Variants in RGPD3 observed in about 807,000 individuals in gnomAD.
The protein encoded by RGPD3 is RANBP2 like and GRIP domain containing 3, also known as ranBP2-like and GRIP domain-containing protein 3.
Under a neutral mutation model 154.5 loss-of-function variants are expected in RGPD3, and 62 were observed. The ratio of observed to expected loss-of-function variants is 0.40; its 90% CI spans 0.33 to 0.50. The LOEUF (loss-of-function observed/expected upper bound fraction) is 0.50. Ranked by LOEUF, RGPD3 falls within the 20% of genes least tolerant of loss-of-function variation. The pLI is 0.59. For synonymous variants in RGPD3, 308 were observed against 607.0 expected (o/e 0.51, Z 7.24); for missense variants, 919 against 1,716.8 (o/e 0.54, Z 8.21).
rs1410194493 is a variant in RGPD3, at chr2:106,468,134, G to T, written c.72+83C>A. ...GCGCTCGTCGGGAGCCATGACGCCT[G>T]AGCCATCGAGGCCGCCGCCGGGCCG... On this transcript the variant is annotated intron_variant, in intron 1 of 22. Transcript: ENST00000409886. 6.0e-6 allele frequency: 9 copies of T among 1,506,394 alleles called. No individual in the cohort carries two copies. The African/African-American group carries it at 9.8e-5, about 16-fold the overall frequency. The allele number at this position is 1,506,394 out of a possible 1,614,324, so 93.3% of individuals were successfully genotyped here.
chr2:106,468,307 C>G lies in RGPD3; in HGVS notation c.-19G>C. ...AACTCATCGCGCCACCAACCTGGCT[C>G]CCGAGATGCGTGAGACCAGCGCTCA... On this transcript the variant is annotated 5_prime_UTR_variant, in exon 1 of 23. Coordinates refer to ENST00000409886, the MANE Select transcript of RGPD3 (RefSeq NM_001144013.2). 3 of 1,598,534 alleles carry G rather than the reference C, an allele frequency of 1.9e-6. No homozygotes were observed. The highest frequency in any genetic ancestry group is 1.7e-6 in the Non-Finnish European group (2 of 1,174,052).
chr2:106,426,158 G>C, intron 18 of RGPD3, 70 bp from the exon 19 acceptor site: 1 of 1,548,056 alleles, frequency 6.5e-7, no homozygotes, highest in Non-Finnish European at 8.6e-7. Flanking sequence ...ATCTAGGCAA[G>C]AGCTACAAAT....
At position 106,407,694 on chromosome 2, in the gene RGPD3, A is replaced by G. The variant is rs1331676024; in HGVS notation, c.5267-2465T>C. Among the ~76,000 whole-genome samples the G allele has an allele frequency of 5.3e-5, 8 of 152,240 alleles. No homozygotes were observed. The East Asian group carries it at 7.7e-4, about 15-fold the overall frequency. Reference sequence around the variant, plus strand: ...CCTTGTGCAAACAATGTTCCTGGCAACTATTCATCTCCTTAGGTAAATAAG... The same window carrying G: ...CCTTGTGCAAACAATGTTCCTGGCAGCTATTCATCTCCTTAGGTAAATAAG... On this transcript the variant is annotated intron_variant, in intron 22 of 22. Coordinates refer to ENST00000409886, the MANE Select transcript of RGPD3 (RefSeq NM_001144013.2).
In RGPD3 at chr2:106,464,116, C is replaced by T. The variant is rs1330660520; in HGVS notation, c.72+4101G>A. Reference sequence around the variant, plus strand: ...ATCCCGGCACTTTGGGAGGCTGAGGCAGGCGGATCATGAGGTCAGGAGATC... The same window carrying T: ...ATCCCGGCACTTTGGGAGGCTGAGGTAGGCGGATCATGAGGTCAGGAGATC... On this transcript the variant is annotated intron_variant, in intron 1 of 22. Transcript: ENST00000409886. Among the ~76,000 whole-genome samples the T allele has an allele frequency of 2.6e-5, 4 of 152,220 alleles. No individual in the cohort carries two copies. The East Asian group carries it at 5.8e-4, about 22-fold the overall frequency.
rs199953271 is a variant in RGPD3, at chr2:106,432,958, G to A, written c.2446C>T (p.Arg816Cys). The stretch of plus-strand genomic sequence containing the variant: ...ACCTTAATGGCCTTTACTTCTTGGC[G>A]AATCATTTTCAGTAAAGAATTCTGA... ...EDQNSLLKMI[R>C]QEVKAIKEEM... is the part of the protein sequence containing the mutation. Residue 816 changes from arginine (R) to cysteine (C), a missense_variant, in exon 17 of 23, where the codon CGC (arginine) becomes TGC (cysteine). Coordinates refer to ENST00000409886, the MANE Select transcript of RGPD3 (RefSeq NM_001144013.2). 7.5e-6 allele frequency: 12 copies of A among 1,601,100 alleles called. No individual in the cohort carries two copies. Among genetic ancestry groups the A allele is most frequent in the South Asian group, 2.3e-5 (2 of 88,302 alleles).
At chr2:106,468,581 G>A (rs1197072783), upstream of RGPD3, among the ~76,000 whole-genome samples, 20 of 152,176 alleles carry the variant, frequency 1.3e-4, 1 homozygote, top group Admixed American at 1.1e-3. Flanking sequence ...TGAGGCGGGC[G>A]GATCACTTGA....
At position 106,413,222 on chromosome 2, in the gene RGPD3, C is replaced by G. The variant is rs763207984; in HGVS notation, c.5128G>C (p.Val1710Leu). 39 of 1,611,892 alleles carry G rather than the reference C, an allele frequency of 2.4e-5. No homozygotes were observed. The highest frequency in any genetic ancestry group is 1.4e-4 in the South Asian group (13 of 90,990). Residue 1710 changes from valine (V) to leucine (L), a missense_variant, in exon 22 of 23, where the codon GTG becomes CTG. Transcript: ENST00000409886. ...AGCAAGACGTTCTTCAAGTGTTCCACGTTAGCTGCAGACACCTCTTGCTCT... is the reference window on the plus strand; with the variant it reads ...AGCAAGACGTTCTTCAAGTGTTCCAGGTTAGCTGCAGACACCTCTTGCTCT... ...NQEQEVSAAN[V>L]EHLKNVLLQF...
At chr2:106,432,408 G>A (rs199856149) in intron 17 of RGPD3, among the ~76,000 whole-genome samples, 1 of 146,726 alleles carries the variant, frequency 6.8e-6, no homozygotes, top group African/African-American at 2.5e-5. Context: ...AGCCAAGATT[G>A]CACCACTGCA....
Position 106,415,941 on chromosome 2 carries a change from T to G in RGPD3, c.4973A>C (p.Lys1658Thr). The G allele has an allele frequency of 6.2e-7, 1 of 1,611,756 alleles. No individual in the cohort carries two copies. Among genetic ancestry groups the G allele is most frequent in the Non-Finnish European group, 8.5e-7 (1 of 1,179,800 alleles). The change falls in exon 21 of 23, where the codon AAG becomes ACG. Residue 1658 changes from lysine (K) to threonine (T), a missense_variant. Lys to Thr is a moderately conservative substitution (Grantham distance 78). Coordinates refer to ENST00000409886, the MANE Select transcript of RGPD3 (RefSeq NM_001144013.2). ...TGCACTTTTTGTGGTGGAACTGAGC[T>G]TCTGAACCAATTCTTCTTTAGTAAA... ...AEFTKEELVQKLSSTTKSADH... is the reference protein window; with the variant it reads ...AEFTKEELVQTLSSTTKSADH...
rs1200986336 is a variant in RGPD3 at position 106,429,790 on chromosome 2, AG to A, written c.2470-10del. 6 of 809,102 alleles carry A rather than the reference AG, an allele frequency of 7.4e-6. No homozygotes were observed. The highest frequency in any genetic ancestry group is 3.1e-5 in the Admixed American group (1 of 32,578). The allele number at this position is 809,102 out of a possible 1,614,324, so 50.1% of individuals were successfully genotyped here. On this transcript the variant is annotated splice_polypyrimidine_tract_variant and intron_variant, in intron 17 of 22. Coordinates refer to ENST00000409886, the MANE Select transcript of RGPD3 (RefSeq NM_001144013.2). ...AACTCCTGCATTTCTTCCTATTGGA[AG>A]AAAAAAAAATCAAATAATTTTAATC... is the stretch of plus-strand genomic sequence containing the variant.
intron 1 of RGPD3, among the ~76,000 whole-genome samples, chr2:106,463,446 G>C (rs1460439615): frequency 9.2e-5 from 14 of 151,530 alleles, no homozygotes; most frequent in African/African-American, 3.1e-4. Flanking sequence ...CTGCACTCCA[G>C]CCTGGGCAAC....
At chr2:106,462,990 C>G (rs1306040349) in intron 1 of RGPD3, among the ~76,000 whole-genome samples, 2 of 146,528 alleles carry the variant, frequency 1.4e-5, no homozygotes, top group African/African-American at 2.5e-5. Context: ...GAAACTCCAG[C>G]TTTCAGGTAA....
chr2:106,466,421 G>A (rs1244641916), intron 1 of RGPD3, among the ~76,000 whole-genome samples: 2 of 130,012 alleles, frequency 1.5e-5, no homozygotes, highest in Admixed American at 7.6e-5. Context: ...AGCGCCCGTC[G>A]GGAGCCATGA....
chr2:106,420,966 T>A (rs531111706), intron 20 of RGPD3, among the ~76,000 whole-genome samples: 2 of 152,196 alleles, frequency 1.3e-5, no homozygotes, highest in African/African-American at 4.8e-5. Context: ...ATACACAGGT[T>A]ATATTTTATT....
chr2:106,409,167 G>A lies in RGPD3; in HGVS notation c.5266+3917C>T, dbSNP rs537770261. Reference sequence around the variant, plus strand: ...AAAAGGTACTTGTTTGCTCTGATGGGCCCTGTTTCCTTCAGTGCCAGGAAG... The same window carrying A: ...AAAAGGTACTTGTTTGCTCTGATGGACCCTGTTTCCTTCAGTGCCAGGAAG... On this transcript the variant is annotated intron_variant, in intron 22 of 22. Transcript: ENST00000409886. 1.8e-4 allele frequency among the ~76,000 whole-genome samples: 28 copies of A among 152,210 alleles called. No homozygotes were observed. The South Asian group carries it at 5.8e-3, about 32-fold the overall frequency.
rs1320147307 is a variant in RGPD3, at chr2:106,468,114, C to T, written c.72+103G>A. 3.8e-4 allele frequency: 537 copies of T among 1,423,796 alleles called. 2 individuals are homozygous for T. The highest frequency in any genetic ancestry group is 2.1e-3 in the Middle Eastern group (8 of 3,872). 88.2% of individuals were successfully genotyped at this position (1,423,796 alleles called of 1,614,324 possible). On this transcript the variant is annotated intron_variant, in intron 1 of 22. Coordinates refer to ENST00000409886, the MANE Select transcript of RGPD3 (RefSeq NM_001144013.2). Reference sequence around the variant, plus strand: ...ACAGAGCGCGCCAGGGAGCAGCGCTCGTCGGGAGCCATGACGCCTGAGCCA... The same window carrying T: ...ACAGAGCGCGCCAGGGAGCAGCGCTTGTCGGGAGCCATGACGCCTGAGCCA...
At chr2:106,408,810 C>G (rs1299540093) in intron 22 of RGPD3, among the ~76,000 whole-genome samples, 1 of 151,872 alleles carries the variant, frequency 6.6e-6, no homozygotes, top group Non-Finnish European at 1.5e-5. Flanking sequence ...CCTTAGCCTC[C>G]CGAGTAGCTA....
At chr2:106,460,792 G>A (rs1223779935) in intron 1 of RGPD3, among the ~76,000 whole-genome samples, 1 of 72,182 alleles carries the variant, frequency 1.4e-5, no homozygotes, top group African/African-American at 5.8e-5. Flanking sequence ...AGTGGGCCAA[G>A]ACCGCACCAC....
chr2:106,421,425 C>T (rs1676982720), intron 20 of RGPD3, among the ~76,000 whole-genome samples: 1 of 151,936 alleles, frequency 6.6e-6, no homozygotes, highest in Admixed American at 6.6e-5. Flanking sequence ...GCTACCTTAG[C>T]TGGTAATAAA....
Sources: allele counts gnomAD v4.1 joint callset (sites outside exome capture counted in the v4.1 genomes callset), GRCh38; gene constraint gnomAD v4.1.1; transcripts MANE v1.5; gene names NCBI Gene and HGNC (gene_info 2026-07-23, HGNC 2026-07-21).